AP4E1: variants seen among roughly 807,000 people sequenced by gnomAD.
AP4E1 encodes AP-4 complex subunit epsilon-1.
AP4E1 carries 56 observed loss-of-function variants against 128.2 expected under a neutral mutation model. The observed-to-expected ratio is 0.44, with a 90% CI of 0.35 to 0.55. The LOEUF (loss-of-function observed/expected upper bound fraction) is 0.55, where lower values mean the gene tolerates loss of function less well. Ranked by LOEUF, AP4E1 falls within the 20% of genes least tolerant of loss-of-function variation. AP4E1 has a pLI of 0.00. For synonymous variants in AP4E1, 484 were observed against 473.1 expected (o/e 1.02, Z -0.30); for missense variants, 1,324 against 1,307.7 (o/e 1.01, Z -0.19).
chr15:50,915,934 T>C (rs544316984), intron 3 of AP4E1: 3 of 216,184 alleles, frequency 1.4e-5, no homozygotes, highest in Non-Finnish European at 2.8e-5. Context: ...AGCTCTTTTT[T>C]TTGTTGTTGT....
intron 13 of AP4E1, among the ~76,000 whole-genome samples, chr15:50,957,352 G>A (rs1343989263): frequency 6.6e-6 from 1 of 152,144 alleles, no homozygotes; most frequent in African/African-American, 2.4e-5. Flanking sequence ...CTGTCCCTCT[G>A]AAGTAAAGCC....
At chr15:50,994,910 T>C (rs1471800604) in intron 17 of AP4E1, among the ~76,000 whole-genome samples, 1 of 152,232 alleles carries the variant, frequency 6.6e-6, no homozygotes, top group Admixed American at 6.5e-5. Context: ...TTAATGATGC[T>C]AAATCCTTTT....
At chr15:50,948,445 C>T (rs1409708092) in intron 11 of AP4E1, among the ~76,000 whole-genome samples, 1 of 151,028 alleles carries the variant, frequency 6.6e-6, no homozygotes, top group Non-Finnish European at 1.5e-5. Flanking sequence ...AGTCCTGCCT[C>T]GTCTCTACTT....
intron 15 of AP4E1, among the ~76,000 whole-genome samples, chr15:50,976,717 T>C (rs2064556802): frequency 1.3e-5 from 2 of 152,208 alleles, no homozygotes; most frequent in Non-Finnish European, 2.9e-5. Context: ...ATTTGCATTT[T>C]TGTACACTAA....
Position 50,947,998 on chromosome 15 carries a change from T to A in AP4E1, c.1177-22T>A, listed in dbSNP as rs2064085656. ...TATGCATAGTTTTATAATATTGTTT[T>A]TAATTTTTCTTCTTTAAATAGACTC... On this transcript the variant is annotated intron_variant, in intron 10 of 20. Coordinates refer to ENST00000261842, the MANE Select transcript of AP4E1 (RefSeq NM_007347.5). The A allele has an allele frequency of 3.2e-6, 5 of 1,542,650 alleles. No homozygotes were observed. In the East Asian group the frequency reaches 9.1e-5, roughly 28 times the overall value.
intron 15 of AP4E1, among the ~76,000 whole-genome samples, chr15:50,980,568 C>T (rs1056323516): frequency 3.2e-4 from 49 of 152,116 alleles, no homozygotes; most frequent in African/African-American, 3.4e-4. Flanking sequence ...TCTGCTAAGG[C>T]GGTTATTACA....
At chr15:50,944,774 A>G (rs2064035612) in intron 10 of AP4E1, 3 of 633,242 alleles carry the variant, frequency 4.7e-6, no homozygotes, top group Non-Finnish European at 5.8e-6. Context: ...TTGAGGTCCC[A>G]TGAGAATATG....
At chr15:50,948,301 T>C in intron 11 of AP4E1, 142 bp downstream of exon 11, 6 of 1,044,036 alleles carry the variant, frequency 5.7e-6, no homozygotes, top group Non-Finnish European at 8.3e-6. Context: ...GCCTCTCTTG[T>C]CAGAAAAAGG....
chr15:50,963,140 A>G (rs1042534323), intron 14 of AP4E1, among the ~76,000 whole-genome samples: 1 of 152,096 alleles, frequency 6.6e-6, no homozygotes, highest in Non-Finnish European at 1.5e-5. Flanking sequence ...ATGCACTGTT[A>G]GTAGGAATGT....
rs1256606465 is a variant in AP4E1, at chr15:50,968,338, C to T, written c.1927C>T (p.Pro643Ser). The change falls in exon 15 of 21, where the codon CCC becomes TCC. Residue 643 changes from proline (P) to serine (S), a missense_variant. Physicochemically the swap from Pro to Ser is moderately conservative, Grantham distance 74. Transcript: ENST00000261842. ...LSQGAAPYKP[P>S]HQRQEEKLSQ... ...TCAGGGTGCAGCGCCTTACAAACCT[C>T]CCCATCAACGCCAGGAGGAAAAGCT... The T allele has an allele frequency of 1.9e-6, 3 of 1,613,330 alleles. No individual in the cohort carries two copies. The highest frequency in any genetic ancestry group is 2.5e-6 in the Non-Finnish European group (3 of 1,179,720).
intron 10 of AP4E1, among the ~76,000 whole-genome samples, chr15:50,942,515 A>G (rs1271288409): frequency 6.6e-6 from 1 of 151,740 alleles, no homozygotes; most frequent in East Asian, 1.9e-4. Flanking sequence ...ATAGATAGAA[A>G]TATTGAAAGA....
chr15:50,930,702 A>G, intron 6 of AP4E1, 103 bp from the exon 7 acceptor site: 1 of 1,127,322 alleles, frequency 8.9e-7, no homozygotes, highest in Non-Finnish European at 1.3e-6. Flanking sequence ...TGTGAACATA[A>G]ACTTAAGTAT....
chr15:50,930,704 C>A, intron 6 of AP4E1, 101 bp from the exon 7 acceptor site: 1 of 1,148,234 alleles, frequency 8.7e-7, no homozygotes, highest in Non-Finnish European at 1.3e-6. Context: ...TGAACATAAA[C>A]TTAAGTATGT....
chr15:50,927,491 C>G (rs1253417014), intron 5 of AP4E1, among the ~76,000 whole-genome samples: 1 of 150,262 alleles, frequency 6.7e-6, no homozygotes, highest in Non-Finnish European at 1.5e-5. Context: ...GAGGCCAGGC[C>G]TGTGAACTCC....
rs773569377 is a variant in AP4E1, at chr15:50,950,072, A to T, written c.1451A>T (p.Asp484Val). Residue 484 changes from aspartate to valine, a missense_variant, in exon 13 of 21, where the codon GAT (aspartate) becomes GTT (valine). Physicochemically the swap from Asp to Val is radical, Grantham distance 152 (BLOSUM62 -3). Transcript: ENST00000261842. ...LAEGFDDETE[D>V]QQLRLYAVQS... Reference sequence around the variant, plus strand: ...GTAGGTTTTGATGATGAAACAGAAGATCAGCAATTAAGACTCTATGCAGTT... The same window carrying T: ...GTAGGTTTTGATGATGAAACAGAAGTTCAGCAATTAAGACTCTATGCAGTT... 26 of 1,613,148 alleles carry T rather than the reference A, an allele frequency of 1.6e-5. No homozygotes were observed. The Admixed American group carries it at 3.8e-4, about 24-fold the overall frequency.
intron 13 of AP4E1, among the ~76,000 whole-genome samples, chr15:50,951,206 A>G (rs2064145502): frequency 6.6e-6 from 1 of 152,234 alleles, no homozygotes; most frequent in Non-Finnish European, 1.5e-5. Context: ...GGCTAGGGCT[A>G]CTGTCTCACC....
intron 15 of AP4E1, among the ~76,000 whole-genome samples, chr15:50,975,025 T>C (rs983885261): frequency 8.5e-5 from 13 of 152,242 alleles, no homozygotes; most frequent in East Asian, 5.8e-4. Context: ...TTTAATTTGA[T>C]GTATTGCCAC....
At chr15:50,948,276 A>T (rs1181507297) in intron 11 of AP4E1, 117 bp downstream of exon 11, 2 of 1,253,350 alleles carry the variant, frequency 1.6e-6, no homozygotes, top group African/African-American at 1.5e-5. Flanking sequence ...AATACTTTTT[A>T]TTCCTGATTT....
intron 10 of AP4E1, among the ~76,000 whole-genome samples, chr15:50,942,388 A>G (rs934904943): frequency 4.6e-5 from 7 of 152,154 alleles, no homozygotes; most frequent in African/African-American, 1.7e-4. Context: ...TTCTGGTCCC[A>G]GGTCTTCCTA....
Sources: allele counts gnomAD v4.1 joint callset (sites outside exome capture counted in the v4.1 genomes callset), GRCh38; gene constraint gnomAD v4.1.1; transcripts MANE v1.5; gene names NCBI Gene and HGNC (gene_info 2026-07-23, HGNC 2026-07-21).